ARHGAP24: variants seen among roughly 807,000 people sequenced by gnomAD.
ARHGAP24 encodes the protein rho GTPase-activating protein 24.
Under a neutral mutation model 76.4 loss-of-function variants are expected in ARHGAP24, and 50 were observed. That is an observed-to-expected ratio of 0.65 (90% CI 0.52 to 0.83). The LOEUF is 0.83. Among genes scored for constraint, ARHGAP24 ranks in the 40% least tolerant of loss-of-function variants. ARHGAP24 has a pLI of 0.00. For synonymous variants in ARHGAP24, 345 were observed against 323.3 expected (o/e 1.07, Z -0.72); for missense variants, 930 against 914.2 (o/e 1.02, Z -0.22).
chr4:85,578,711 A>G, intron 2 of ARHGAP24, among the ~76,000 whole-genome samples: 1 of 151,276 alleles, frequency 6.6e-6, no homozygotes, highest in East Asian at 1.9e-4. Flanking sequence ...ACCTGTCCAT[A>G]TATAAAGCAG....
Position 85,500,074 on chromosome 4 carries a change from G to GA in ARHGAP24, c.-21+24522dup, listed in dbSNP as rs545243073. Among the ~76,000 whole-genome samples, 367 of 152,036 alleles carry GA rather than the reference G, an allele frequency of 2.4e-3. 1 individual carries two copies. The highest frequency in any genetic ancestry group is 3.7e-3 in the Admixed American group (57 of 15,266). Reference sequence around the variant, plus strand: ...ACACTAGATTTTTAAGACATAGTATGAAAAAAAGAATATAAAATTTTCACT... The same window carrying GA: ...ACACTAGATTTTTAAGACATAGTATGAAAAAAAAGAATATAAAATTTTCACT... On this transcript the variant is annotated intron_variant, in intron 1 of 9. Transcript: ENST00000395184.
chr4:85,487,256 AT>A (rs1723102363), intron 1 of ARHGAP24, among the ~76,000 whole-genome samples: 1 of 126,440 alleles, frequency 7.9e-6, no homozygotes, highest in African/African-American at 3.1e-5. Context: ...ATATATATTT[AT>A]TATATATAAA....
chr4:85,497,912 A>C (rs780127390), intron 1 of ARHGAP24, among the ~76,000 whole-genome samples: 2 of 152,220 alleles, frequency 1.3e-5, no homozygotes, highest in Non-Finnish European at 2.9e-5. Flanking sequence ...CTTTGAACAC[A>C]CGGCAGTTTT....
chr4:85,557,315 C>T (rs1467409913), intron 1 of ARHGAP24, among the ~76,000 whole-genome samples: 1 of 152,248 alleles, frequency 6.6e-6, no homozygotes, highest in Admixed American at 6.5e-5. Context: ...ATTGCTGGAC[C>T]TGCAGCCACT....
intron 2 of ARHGAP24, among the ~76,000 whole-genome samples, chr4:85,633,013 A>G (rs529267123): frequency 6.6e-6 from 1 of 151,940 alleles, no homozygotes; most frequent in African/African-American, 2.4e-5. Context: ...CAAGGGAAAC[A>G]TAATAACATT....
At chr4:85,706,348 AC>A (rs1241844576) in intron 2 of ARHGAP24, among the ~76,000 whole-genome samples, 1 of 152,190 alleles carries the variant, frequency 6.6e-6, no homozygotes, top group East Asian at 1.9e-4. Flanking sequence ...TGTGGAAACT[AC>A]TAGCTAAGAA....
At chr4:85,972,277 C>G (rs1039190923) in intron 6 of ARHGAP24, 109 bp downstream of exon 6, 47 of 1,440,864 alleles carry the variant, frequency 3.3e-5, no homozygotes, top group Middle Eastern at 2.0e-4. Flanking sequence ...TTACTCTCCA[C>G]TATCCTTTGA....
intron 4 of ARHGAP24, among the ~76,000 whole-genome samples, chr4:85,929,551 C>T (rs965911294): frequency 6.6e-6 from 1 of 152,048 alleles, no homozygotes; most frequent in African/African-American, 2.4e-5. Context: ...GACATGGGGG[C>T]TGGGGTGCAG....
intron 2 of ARHGAP24, among the ~76,000 whole-genome samples, chr4:85,663,102 CT>C (rs749891414): frequency 1.3e-5 from 2 of 151,724 alleles, no homozygotes; most frequent in African/African-American, 2.4e-5. Flanking sequence ...TATAAATTAC[CT>C]CGGGCAGTGT....
At chr4:85,683,073 T>C (rs1433544278) in intron 2 of ARHGAP24, among the ~76,000 whole-genome samples, 1 of 119,728 alleles carries the variant, frequency 8.4e-6, no homozygotes, top group East Asian at 2.8e-4. Context: ...AACCTTTTAC[T>C]CCTCACCTCC....
chr4:85,776,412 C>G (rs1447192150), intron 3 of ARHGAP24, among the ~76,000 whole-genome samples: 3 of 152,134 alleles, frequency 2.0e-5, no homozygotes, highest in Admixed American at 6.5e-5. Flanking sequence ...AGTAGGGCAA[C>G]CTGGAGTGTG....
rs4693121 is a variant in ARHGAP24 at position 85,656,931 on chromosome 4, T to A, written c.181-64954T>A. ...TTTCAGAGTTCCTTGAAACTATTCT[T>A]GGCTGGAGTGTAAGCTGCTTTAAAA... On this transcript the variant is annotated intron_variant, in intron 2 of 9. Transcript: ENST00000395184. Among the ~76,000 whole-genome samples the A allele has an allele frequency of 5.8e-3, 858 of 147,780 alleles. 19 individuals carry two copies. Among genetic ancestry groups the A allele is most frequent in the East Asian group, 0.055 (256 of 4,668 alleles).
chr4:85,856,888 C>T (rs781669108), intron 3 of ARHGAP24, among the ~76,000 whole-genome samples: 2 of 152,114 alleles, frequency 1.3e-5, no homozygotes, highest in African/African-American at 4.8e-5. Context: ...TTTAGTAACA[C>T]ACATATTTCA....
chr4:85,592,852 T>C (rs1298656144), intron 2 of ARHGAP24, among the ~76,000 whole-genome samples: 3 of 152,194 alleles, frequency 2.0e-5, no homozygotes, highest in Admixed American at 6.5e-5. Context: ...TAGTACTTCA[T>C]TGCATACCAC....
intron 1 of ARHGAP24, among the ~76,000 whole-genome samples, chr4:85,514,017 A>G (rs183349697): frequency 3.8e-4 from 58 of 152,242 alleles, no homozygotes; most frequent in Non-Finnish European, 7.4e-4. Flanking sequence ...CTGTCTCTGG[A>G]AATTATCTCC....
At chr4:85,881,829 G>T (rs1412949799) in intron 3 of ARHGAP24, among the ~76,000 whole-genome samples, 1 of 152,090 alleles carries the variant, frequency 6.6e-6, no homozygotes, top group African/African-American at 2.4e-5. Context: ...TTTTAGTGAA[G>T]AGAACAGAAA....
intron 1 of ARHGAP24, among the ~76,000 whole-genome samples, chr4:85,555,212 G>C (rs1245470743): frequency 2.0e-5 from 3 of 152,162 alleles, no homozygotes; most frequent in African/African-American, 4.8e-5. Flanking sequence ...TTTTTGAGTT[G>C]CCAGAGTTCT....
At chr4:85,894,183 T>G (rs919202315) in intron 3 of ARHGAP24, among the ~76,000 whole-genome samples, 51 of 151,334 alleles carry the variant, frequency 3.4e-4, no homozygotes, top group Admixed American at 7.9e-4. Context: ...TTTGGGGATA[T>G]TCTGTGTTTA....
chr4:85,800,314 A>G (rs1463719432), intron 3 of ARHGAP24, among the ~76,000 whole-genome samples: 1 of 152,208 alleles, frequency 6.6e-6, no homozygotes, highest in Non-Finnish European at 1.5e-5. Flanking sequence ...ATCGGGCTTG[A>G]GAATCACTGT....
Sources: gnomAD v4.1 joint callset for allele counts (sites outside exome capture counted in the v4.1 genomes callset) on GRCh38, gnomAD v4.1.1 for gene constraint, MANE v1.5 for transcripts, NCBI Gene and HGNC (gene_info 2026-07-23, HGNC 2026-07-21) for gene names.